The following SHANK2 variants were observed in gnomAD, a reference collection of about 807,000 sequenced individuals.
SHANK2 encodes the protein SH3 and multiple ankyrin repeat domains 2.
In SHANK2, 43 loss-of-function variants were observed where a neutral mutation model predicts 133.7. That is an observed-to-expected ratio of 0.32 (90% CI 0.25 to 0.41). The LOEUF (loss-of-function observed/expected upper bound fraction) is 0.41, where lower values mean the gene tolerates loss of function less well. Ranked by LOEUF, SHANK2 falls within the 10% of genes least tolerant of loss-of-function variation. The pLI, the probability that SHANK2 is intolerant of heterozygous loss-of-function variation, is 1.00. For synonymous variants in SHANK2, 1,017 were observed against 952.8 expected (o/e 1.07, Z -1.24); for missense variants, 1,994 against 2,235.8 (o/e 0.89, Z 2.18).
At chr11:71,079,242 C>T (rs1264550938) in intron 8 of SHANK2, among the ~76,000 whole-genome samples, 1 of 152,212 alleles carries the variant, frequency 6.6e-6, no homozygotes, top group Non-Finnish European at 1.5e-5. Flanking sequence ...CCAAAATCTT[C>T]AAAACAGTCA....
chr11:70,776,643 A>G (rs1591834599), intron 14 of SHANK2, among the ~76,000 whole-genome samples: 1 of 152,090 alleles, frequency 6.6e-6, no homozygotes, highest in South Asian at 2.1e-4. Flanking sequence ...GTGAGTATCT[A>G]TAAACATCCC....
chr11:70,529,530 G>T (rs1432979085), intron 17 of SHANK2, among the ~76,000 whole-genome samples: 1 of 152,234 alleles, frequency 6.6e-6, no homozygotes, highest in Non-Finnish European at 1.5e-5. Context: ...TCCTGACAGG[G>T]ATTCCAAGAT....
At position 70,736,744 on chromosome 11, in the gene SHANK2, G is replaced by A. The variant is rs573405870; in HGVS notation, c.1778-37981C>T. ...GAGTCACACGGCTTCATTCCATGGC[G>A]GCTCCCCGCCACGCACCCCAACACA... On this transcript the variant is annotated intron_variant, in intron 14 of 25. Coordinates refer to ENST00000601538, the MANE Select transcript of SHANK2 (RefSeq NM_012309.5). Among the ~76,000 whole-genome samples the A allele has an allele frequency of 3.3e-5, 5 of 152,186 alleles. No homozygotes were observed. The South Asian group carries it at 8.3e-4, about 25-fold the overall frequency.
At chr11:70,759,691 T>G (rs782642961) in intron 14 of SHANK2, among the ~76,000 whole-genome samples, 1 of 152,086 alleles carries the variant, frequency 6.6e-6, no homozygotes, top group Admixed American at 6.5e-5. Flanking sequence ...GAGGCAAGGG[T>G]GAAGTCATGC....
At chr11:70,905,186 G>A (rs1413943901) in intron 10 of SHANK2, among the ~76,000 whole-genome samples, 1 of 152,110 alleles carries the variant, frequency 6.6e-6, no homozygotes, top group Admixed American at 6.6e-5. Context: ...AGGACCTGGG[G>A]CTGTCTGGTT....
chr11:71,198,722 G>C (rs966188118), intron 2 of SHANK2, among the ~76,000 whole-genome samples: 44 of 152,202 alleles, frequency 2.9e-4, no homozygotes, highest in Admixed American at 3.3e-4. Context: ...AGATGTACTG[G>C]AGGTTCAAAA....
intron 25 of SHANK2, among the ~76,000 whole-genome samples, chr11:70,483,301 A>G (rs2135715876): frequency 6.6e-6 from 1 of 152,306 alleles, no homozygotes; most frequent in East Asian, 1.9e-4. Flanking sequence ...TTTTGTAAAA[A>G]TGTGAAACAC....
intron 17 of SHANK2, among the ~76,000 whole-genome samples, chr11:70,650,981 C>A (rs941654461): frequency 6.6e-6 from 1 of 152,300 alleles, no homozygotes; most frequent in African/African-American, 2.4e-5. Context: ...ACTCATGATG[C>A]CAGAAACTGC....
At chr11:70,897,463 TC>T (rs1949953242) in intron 10 of SHANK2, among the ~76,000 whole-genome samples, 1 of 152,248 alleles carries the variant, frequency 6.6e-6, no homozygotes, top group African/African-American at 2.4e-5. Context: ...AAGAAGTCTT[TC>T]CTTAGGACTA....
intron 10 of SHANK2, among the ~76,000 whole-genome samples, chr11:70,954,150 C>T (rs782340008): frequency 2.0e-5 from 3 of 152,228 alleles, no homozygotes; most frequent in Non-Finnish European, 4.4e-5. Flanking sequence ...CCCACATCCA[C>T]GTGGATTTCC....
chr11:70,604,549 G>A (rs868957255), intron 17 of SHANK2: 24 of 152,252 alleles, frequency 1.6e-4, no homozygotes, highest in Admixed American at 4.6e-4. Context: ...GAGGGCAGGC[G>A]CCTGACCCGA....
intron 17 of SHANK2, among the ~76,000 whole-genome samples, chr11:70,578,767 C>T (rs2060148323): frequency 6.6e-6 from 1 of 152,178 alleles, no homozygotes; most frequent in Non-Finnish European, 1.5e-5. Context: ...TCAGAGATAA[C>T]CAAGAGATTG....
At chr11:70,791,109 G>A (rs556695406) in intron 14 of SHANK2, among the ~76,000 whole-genome samples, 33 of 152,338 alleles carry the variant, frequency 2.2e-4, no homozygotes, top group Admixed American at 5.2e-4. Context: ...TTCACTTGTC[G>A]TAGCAGCTGA....
At chr11:70,653,572 A>G (rs2061366519) in intron 17 of SHANK2, among the ~76,000 whole-genome samples, 1 of 148,504 alleles carries the variant, frequency 6.7e-6, no homozygotes, top group Non-Finnish European at 1.5e-5. Flanking sequence ...CCTTCCAAAA[A>G]AAAAAAAAAA....
chr11:70,701,282 C>T (rs1945513347), intron 14 of SHANK2, among the ~76,000 whole-genome samples: 1 of 152,136 alleles, frequency 6.6e-6, no homozygotes, highest in African/African-American at 2.4e-5. Flanking sequence ...ACCAACAAAA[C>T]TTTAAACAAA....
At position 71,145,855 on chromosome 11, in the gene SHANK2, C is replaced by A. The variant is rs77065457; in HGVS notation, c.207+1265G>T. On this transcript the variant is annotated intron_variant, in intron 3 of 25. Coordinates refer to ENST00000601538, the MANE Select transcript of SHANK2 (RefSeq NM_012309.5). ...AGCACTGGGCTTACCCCCTCAAGCA[C>A]CTGCAGCAGCCTACACCACCAGCCC... 1.1e-3 allele frequency among the ~76,000 whole-genome samples: 173 copies of A among 152,274 alleles called. 2 individuals carry two copies. The East Asian group carries it at 0.026, about 23-fold the overall frequency.
chr11:70,952,379 C>A (rs1950857337), intron 10 of SHANK2, among the ~76,000 whole-genome samples: 3 of 152,204 alleles, frequency 2.0e-5, no homozygotes, highest in Non-Finnish European at 2.9e-5. Flanking sequence ...AACACAAAAC[C>A]TTTCCAAGGG....
intron 14 of SHANK2, among the ~76,000 whole-genome samples, chr11:70,732,306 G>A (rs1387356548): frequency 3.9e-5 from 6 of 152,128 alleles, no homozygotes; most frequent in Non-Finnish European, 7.4e-5. Flanking sequence ...AGACAACTCC[G>A]GACCCTTCTT....
At chr11:70,505,924 G>A (rs1004888883) in intron 17 of SHANK2, among the ~76,000 whole-genome samples, 5 of 152,220 alleles carry the variant, frequency 3.3e-5, no homozygotes, top group African/African-American at 1.2e-4. Flanking sequence ...TGTGGTGGCT[G>A]GATGCTGTCC....
Sources: allele counts gnomAD v4.1 joint callset (sites outside exome capture counted in the v4.1 genomes callset), GRCh38; gene constraint gnomAD v4.1.1; transcripts MANE v1.5; gene names NCBI Gene and HGNC (gene_info 2026-07-23, HGNC 2026-07-21).